The following AOAH variants were observed in gnomAD, a reference collection of about 807,000 sequenced individuals.
The protein encoded by AOAH is acyloxyacyl hydrolase (neutrophil).
Under a neutral mutation model 92.2 loss-of-function variants are expected in AOAH, and 64 were observed. The observed-to-expected ratio is 0.69, with a 90% confidence interval of 0.57 to 0.86. The LOEUF is 0.86. Among genes scored for constraint, AOAH ranks in the 40% least tolerant of loss-of-function variants. The pLI is 0.00. For synonymous variants in AOAH, 263 were observed against 254.5 expected (o/e 1.03, Z -0.32); for missense variants, 656 against 694.6 (o/e 0.94, Z 0.62).
At chr7:36,587,098 C>G (rs1337630922) in intron 12 of AOAH, among the ~76,000 whole-genome samples, 1 of 151,514 alleles carries the variant, frequency 6.6e-6, no homozygotes, top group East Asian at 1.9e-4. Context: ...ATGGTGAAAC[C>G]CTGTCTCTAC....
chr7:36,662,495 C>T (rs573178716), intron 3 of AOAH, among the ~76,000 whole-genome samples: 5 of 152,162 alleles, frequency 3.3e-5, no homozygotes, highest in Non-Finnish European at 5.9e-5. Flanking sequence ...GTCAGTAAAT[C>T]GAGAGGGTGG....
chr7:36,647,987 T>C (rs1471146342), intron 4 of AOAH, among the ~76,000 whole-genome samples: 4 of 152,056 alleles, frequency 2.6e-5, no homozygotes, highest in African/African-American at 7.2e-5. Flanking sequence ...CACGCCATCA[T>C]GCCGGGCTAA....
intron 5 of AOAH, among the ~76,000 whole-genome samples, chr7:36,635,933 T>A (rs908692438): frequency 1.3e-5 from 2 of 152,236 alleles, no homozygotes; most frequent in Non-Finnish European, 2.9e-5. Flanking sequence ...GCCAAATCCA[T>A]GAAATGTTCC....
At chr7:36,537,669 C>A (rs1785163448) in intron 16 of AOAH, among the ~76,000 whole-genome samples, 1 of 152,140 alleles carries the variant, frequency 6.6e-6, no homozygotes, top group Non-Finnish European at 1.5e-5. Context: ...CAGGCACCTG[C>A]CACCACGCCC....
At chr7:36,641,702 T>A (rs1793933332) in intron 4 of AOAH, among the ~76,000 whole-genome samples, 1 of 152,180 alleles carries the variant, frequency 6.6e-6, no homozygotes, top group East Asian at 1.9e-4. Context: ...TGCATACATT[T>A]CGCATTCCCC....
intron 6 of AOAH, among the ~76,000 whole-genome samples, chr7:36,628,477 C>T (rs1245971608): frequency 6.6e-6 from 1 of 152,138 alleles, no homozygotes; most frequent in Admixed American, 6.5e-5. Flanking sequence ...ATTCATTGAG[C>T]TCCTCCTGCT....
intron 16 of AOAH, among the ~76,000 whole-genome samples, chr7:36,539,578 T>C (rs1025685572): frequency 2.6e-5 from 4 of 152,232 alleles, no homozygotes; most frequent in Admixed American, 2.0e-4. Flanking sequence ...GCCTGGCACA[T>C]AGTTGGCACT....
intron 13 of AOAH, among the ~76,000 whole-genome samples, chr7:36,551,081 T>TC (rs765477184): frequency 6.6e-6 from 1 of 151,012 alleles, no homozygotes; most frequent in African/African-American, 2.4e-5. Context: ...TCTTTCTTTT[T>TC]TTTTTTTTTT....
chr7:36,564,431 G>A (rs1787533339), intron 13 of AOAH, among the ~76,000 whole-genome samples: 1 of 152,134 alleles, frequency 6.6e-6, no homozygotes, highest in Non-Finnish European at 1.5e-5. Flanking sequence ...TTGCAATATT[G>A]GAGAGAAAGG....
Position 36,587,421 on chromosome 7 carries a change from GTTTCTTAAAGATTGA to G in AOAH, c.938+6903_938+6917del, listed in dbSNP as rs1789422508. Reference sequence around the variant, plus strand: ...CTACACAAGAATTCAACAAGTAGTAGTTTCTTAAAGATTGATTAGTTGCAAGGTGGAAGCTGAAAT... The same window carrying G: ...CTACACAAGAATTCAACAAGTAGTAGTTAGTTGCAAGGTGGAAGCTGAAAT... On this transcript the variant is annotated intron_variant, in intron 12 of 20. Coordinates refer to ENST00000617537, the MANE Select transcript of AOAH (RefSeq NM_001637.4). Among the ~76,000 whole-genome samples, 3 of 152,092 alleles carry G rather than the reference GTTTCTTAAAGATTGA, an allele frequency of 2.0e-5. No homozygotes were observed. In the South Asian group the frequency reaches 6.2e-4, roughly 31 times the overall value.
intron 1 of AOAH, among the ~76,000 whole-genome samples, chr7:36,721,268 T>A (rs1799616399): frequency 6.6e-6 from 1 of 152,192 alleles, no homozygotes; most frequent in Admixed American, 6.5e-5. Flanking sequence ...CTGCACCTAC[T>A]TCAGGACAAC....
In AOAH at chr7:36,601,777, C is replaced by T. The variant is rs1288544184; in HGVS notation, c.847-7347G>A. On this transcript the variant is annotated intron_variant, in intron 11 of 20. Transcript: ENST00000617537. ...GAGTCTTGAAGGAAGTCTTATCTAA[C>T]GTGTGAGTCCTGGAAGGCTAGGAAG... 3.3e-5 allele frequency among the ~76,000 whole-genome samples: 5 copies of T among 152,288 alleles called. No individual in the cohort carries two copies. The East Asian group carries it at 7.7e-4, about 24-fold the overall frequency.
chr7:36,673,809 A>G (rs1323396237), intron 3 of AOAH, 134 bp downstream of exon 3: 12 of 600,014 alleles, frequency 2.0e-5, no homozygotes, highest in Non-Finnish European at 3.2e-5. Flanking sequence ...CACTATTACT[A>G]AGAGCTGGAA....
At chr7:36,566,541 G>C (rs1482468349) in intron 13 of AOAH, among the ~76,000 whole-genome samples, 1 of 151,890 alleles carries the variant, frequency 6.6e-6, no homozygotes, top group Non-Finnish European at 1.5e-5. Flanking sequence ...GGGCAGGTGA[G>C]GCCTCCTGCC....
At chr7:36,537,923 T>C (rs1038477373) in intron 16 of AOAH, among the ~76,000 whole-genome samples, 1 of 151,718 alleles carries the variant, frequency 6.6e-6, no homozygotes, top group African/African-American at 2.4e-5. Flanking sequence ...TCCACAGAAG[T>C]GGACAAATCC....
intron 1 of AOAH, among the ~76,000 whole-genome samples, chr7:36,693,152 A>G (rs6462693): frequency 0.56 from 84,958 of 151,980 alleles, 24,157 homozygotes; most frequent in East Asian, 0.83. Context: ...TCTAGAGTGC[A>G]GACTGTGAAC....
intron 12 of AOAH, among the ~76,000 whole-genome samples, chr7:36,587,631 T>C (rs1286326309): frequency 6.6e-6 from 1 of 152,158 alleles, no homozygotes; most frequent in Admixed American, 6.5e-5. Context: ...TGCTATAATA[T>C]AAAAAAATCA....
intron 20 of AOAH, among the ~76,000 whole-genome samples, chr7:36,519,755 C>T (rs1583714386): frequency 6.6e-6 from 1 of 152,292 alleles, no homozygotes; most frequent in East Asian, 1.9e-4. Context: ...ACACCCCTCT[C>T]TCTCATCCCA....
intron 13 of AOAH, among the ~76,000 whole-genome samples, chr7:36,555,947 T>C (rs1472274307): frequency 2.0e-5 from 3 of 152,320 alleles, no homozygotes; most frequent in South Asian, 2.1e-4. Context: ...CCTGGATTCA[T>C]TGATTTTTTG....
Sources: allele counts gnomAD v4.1 joint callset (sites outside exome capture counted in the v4.1 genomes callset), GRCh38; gene constraint gnomAD v4.1.1; transcripts MANE v1.5; gene names NCBI Gene and HGNC (gene_info 2026-07-23, HGNC 2026-07-21).